RBFOX1: variants seen among roughly 807,000 people sequenced by gnomAD.
RBFOX1 encodes the protein RNA binding fox-1 homolog 1, also known as RNA binding protein fox-1 homolog 1.
In RBFOX1, 8 loss-of-function variants were observed where a neutral mutation model predicts 57.7. The ratio of observed to expected loss-of-function variants is 0.14; its 90% CI spans 0.08 to 0.25. RBFOX1 has a LOEUF of 0.25. RBFOX1 is among the 10% of genes least tolerant of loss of function. The pLI is 1.00. For missense variants in RBFOX1, 611 were observed against 548.5 expected (o/e 1.11, Z -1.14); for synonymous variants, 326 against 222.4 (o/e 1.47, Z -4.15).
At chr16:7,002,941 G>C (rs1207854149) in intron 3 of RBFOX1, among the ~76,000 whole-genome samples, 1 of 151,918 alleles carries the variant, frequency 6.6e-6, no homozygotes, top group Admixed American at 6.6e-5. Flanking sequence ...GAAAGTGTAA[G>C]AATGTAGGAA....
chr16:7,358,511 C>A (rs1310626100), intron 4 of RBFOX1, among the ~76,000 whole-genome samples: 1 of 152,070 alleles, frequency 6.6e-6, no homozygotes, highest in East Asian at 1.9e-4. Context: ...ACCTCCACCT[C>A]CCGGGTTCAA....
At chr16:6,331,002 C>G (rs1393543289) in intron 2 of RBFOX1, among the ~76,000 whole-genome samples, 2 of 152,146 alleles carry the variant, frequency 1.3e-5, no homozygotes, top group Admixed American at 6.5e-5. Flanking sequence ...AAGGTACAGA[C>G]TTCAGATTTT....
chr16:7,636,208 A>C (rs994923937), intron 11 of RBFOX1, among the ~76,000 whole-genome samples: 3 of 152,268 alleles, frequency 2.0e-5, no homozygotes, highest in African/African-American at 7.2e-5. Context: ...TAACATTGCC[A>C]AACATGGAAC....
intron 2 of RBFOX1, among the ~76,000 whole-genome samples, chr16:6,365,005 T>C (rs1332478415): frequency 6.6e-6 from 1 of 152,074 alleles, no homozygotes; most frequent in Non-Finnish European, 1.5e-5. Context: ...TGTGGGAGGG[T>C]ACCTCCTTCA....
intron 3 of RBFOX1, among the ~76,000 whole-genome samples, chr16:6,855,433 T>C (rs557558585): frequency 4.3e-4 from 65 of 151,870 alleles, no homozygotes; most frequent in African/African-American, 1.5e-3. Flanking sequence ...GGGCGGATCA[T>C]GAGGTCAGGA....
chr16:5,623,431 T>G (rs6500707), intron 3 of RBFOX1, among the ~76,000 whole-genome samples: 9,710 of 152,172 alleles, frequency 0.064, 1,050 homozygotes, highest in African/African-American at 0.22. Flanking sequence ...GAGTTTCTGT[T>G]CTAGTGGGAG....
chr16:5,470,292 G>T (rs1442659328), intron 2 of RBFOX1, among the ~76,000 whole-genome samples: 1 of 152,166 alleles, frequency 6.6e-6, no homozygotes, highest in Non-Finnish European at 1.5e-5. Context: ...GAGATCGAGG[G>T]AAGGGGAGAC....
intron 1 of RBFOX1, among the ~76,000 whole-genome samples, chr16:6,020,441 T>A (rs7204933): frequency 6.6e-5 from 10 of 151,382 alleles, no homozygotes; most frequent in Non-Finnish European, 5.9e-5. Context: ...CCCGGGAGGG[T>A]GTTTAGGTGC....
At position 5,424,948 on chromosome 16, in the gene RBFOX1, CT is replaced by C. The variant is rs1567490237; in HGVS notation, c.220-42266del. ...CTTTCTTTCTTTCTCTCTCTTCTTT[CT>C]TCCTTTGTTTCTTTCTCTTTCTTTC... On this transcript the variant is annotated intron_variant, in intron 1 of 2. Coordinates refer to the RBFOX1 transcript ENST00000585867. Among the ~76,000 whole-genome samples the C allele has an allele frequency of 2.0e-4, 13 of 65,112 alleles. 1 individual carries two copies. Among genetic ancestry groups the C allele is most frequent in the African/African-American group, 6.8e-4 (11 of 16,170 alleles). 42.7% of individuals were successfully genotyped at this position (65,112 alleles called of 152,430 possible). A position where few individuals can be genotyped will look rare whatever the true frequency, so the allele number is the denominator to read the frequency against.
chr16:6,902,789 C>G (rs377446003), intron 3 of RBFOX1, among the ~76,000 whole-genome samples: 2 of 152,166 alleles, frequency 1.3e-5, no homozygotes, highest in South Asian at 4.1e-4. Context: ...ATCATGTCAT[C>G]AGAACCAAAT....
chr16:6,586,823 C>T (rs188874528), intron 2 of RBFOX1, among the ~76,000 whole-genome samples: 2 of 152,190 alleles, frequency 1.3e-5, no homozygotes, highest in African/African-American at 4.8e-5. Context: ...TGCACTATCA[C>T]CACGTAATTA....
At chr16:6,014,507 A>T (rs1360287988), upstream of RBFOX1, among the ~76,000 whole-genome samples, 1 of 152,210 alleles carries the variant, frequency 6.6e-6, no homozygotes, top group South Asian at 2.1e-4. Flanking sequence ...TACACGATAG[A>T]TGGTGAGTGA....
Position 6,278,860 on chromosome 16 carries a change from C to G in RBFOX1, c.-126-38135C>G, listed in dbSNP as rs370299149. ...GTTCATAAAAGCCCAATAAGCTATTCTTGATCTTAAATCTTAAATCGTTGG... is the reference window on the plus strand; with the variant it reads ...GTTCATAAAAGCCCAATAAGCTATTGTTGATCTTAAATCTTAAATCGTTGG... On this transcript the variant is annotated intron_variant, in intron 1 of 15. Transcript: ENST00000550418. Among the ~76,000 whole-genome samples, 243 of 152,194 alleles carry G rather than the reference C, an allele frequency of 1.6e-3. 9 individuals are homozygous for G. In the South Asian group the frequency reaches 0.034, roughly 21 times the overall value.
intron 3 of RBFOX1, among the ~76,000 whole-genome samples, chr16:6,812,819 T>C (rs1261226844): frequency 6.6e-6 from 1 of 152,210 alleles, no homozygotes; most frequent in Admixed American, 6.5e-5. Context: ...CATTAGGTTT[T>C]GCATACAGCA....
chr16:7,284,419 A>G (rs1252615123), intron 4 of RBFOX1, among the ~76,000 whole-genome samples: 1 of 151,998 alleles, frequency 6.6e-6, no homozygotes, highest in African/African-American at 2.4e-5. Context: ...CAGCCTTGAA[A>G]TCTTGGGCAC....
intron 2 of RBFOX1, among the ~76,000 whole-genome samples, chr16:6,610,752 A>G (rs1186311304): frequency 6.6e-6 from 1 of 152,208 alleles, no homozygotes; most frequent in African/African-American, 2.4e-5. Context: ...AATCACTACC[A>G]TGATAACATC....
intron 3 of RBFOX1, among the ~76,000 whole-genome samples, chr16:6,974,631 C>G (rs914537119): frequency 6.6e-6 from 1 of 152,090 alleles, no homozygotes; most frequent in African/African-American, 2.4e-5. Context: ...AGGCGTGAGT[C>G]ACTGCACCTG....
intron 1 of RBFOX1, among the ~76,000 whole-genome samples, chr16:6,306,411 A>T (rs2079524559): frequency 6.6e-6 from 1 of 152,138 alleles, no homozygotes; most frequent in Non-Finnish European, 1.5e-5. Flanking sequence ...CATCGAAAGG[A>T]ATGGAACTTT....
intron 1 of RBFOX1, among the ~76,000 whole-genome samples, chr16:5,432,629 A>C (rs1202243249): frequency 7.0e-6 from 1 of 143,118 alleles, no homozygotes; most frequent in East Asian, 2.0e-4. Flanking sequence ...AAAAAAAATC[A>C]CTTCGCTTTT....
Sources: gnomAD v4.1 joint callset for allele counts (sites outside exome capture counted in the v4.1 genomes callset) on GRCh38, gnomAD v4.1.1 for gene constraint, MANE v1.5 for transcripts, NCBI Gene and HGNC (gene_info 2026-07-23, HGNC 2026-07-21) for gene names.